The following C1GALT1 variants were observed in gnomAD, a reference collection of about 807,000 sequenced individuals.
C1GALT1 encodes the protein core 1 synthase, glycoprotein-N-acetylgalactosamine 3-beta-galactosyltransferase 1.
C1GALT1 carries 11 observed loss-of-function variants against 31.0 expected under a neutral mutation model. The observed-to-expected ratio is 0.36, with a 90% CI of 0.22 to 0.59. The LOEUF is 0.59. C1GALT1 is among the 20% of genes least tolerant of loss of function. The pLI, the probability that C1GALT1 is intolerant of heterozygous loss-of-function variation, is 0.79. For synonymous variants in C1GALT1, 175 were observed against 143.6 expected, an observed-to-expected ratio of 1.22 and a Z score of -1.56; for missense variants, 424 against 425.2, an observed-to-expected ratio of 1.00 and a Z score of 0.03.
intron 1 of C1GALT1, among the ~76,000 whole-genome samples, chr7:7,211,757 G>A (rs1782014362): frequency 6.6e-6 from 1 of 152,202 alleles, no homozygotes. Context: ...AGAATTTGCA[G>A]GATAATTTCC....
In C1GALT1 at chr7:7,167,588, A is replaced by T. The variant is rs532714885; in HGVS notation, c.-18+10162A>T. 5.5e-3 allele frequency among the ~76,000 whole-genome samples: 813 copies of T among 148,998 alleles called. 7 individuals are homozygous for T. Among genetic ancestry groups the T allele is most frequent in the African/African-American group, 0.019 (762 of 40,712 alleles). ...ATTATGTAAGTTTTTTTTGTTGTTC[A>T]TTTTTTTTTTCTCCAAGTGATAATC... On this transcript the variant is annotated intron_variant, in intron 2 of 3. Transcript: ENST00000429911.
chr7:7,164,311 C>G (rs1379324680), intron 2 of C1GALT1, among the ~76,000 whole-genome samples: 5 of 152,102 alleles, frequency 3.3e-5, no homozygotes. Context: ...TTCTTCATTT[C>G]TCATGTGGAA....
rs533276352 is a variant in C1GALT1 at position 7,243,185 on chromosome 7, G to T, written c.889-339G>T. On this transcript the variant is annotated intron_variant, in intron 3 of 3. Coordinates refer to ENST00000436587, the MANE Select transcript of C1GALT1 (RefSeq NM_020156.5). ...AGAAAATGAGGAAGAGAAAGCAGATGTTGGAGAAGGAGATTTCTCCTTGTA... is the reference window on the plus strand; with the variant it reads ...AGAAAATGAGGAAGAGAAAGCAGATTTTGGAGAAGGAGATTTCTCCTTGTA... Among the ~76,000 whole-genome samples, 4 of 152,264 alleles carry T rather than the reference G, an allele frequency of 2.6e-5. No individual in the cohort carries two copies. In the South Asian group the frequency reaches 8.3e-4, roughly 32 times the overall value.
At chr7:7,195,612 G>A (rs1007274870) in intron 1 of C1GALT1, among the ~76,000 whole-genome samples, 4 of 152,084 alleles carry the variant, frequency 2.6e-5, no homozygotes, top group African/African-American at 4.8e-5. Context: ...TTTGGAGAAG[G>A]ATCCATGTGC....
chr7:7,170,683 T>A (rs1046525735), intron 2 of C1GALT1, among the ~76,000 whole-genome samples: 1 of 152,130 alleles, frequency 6.6e-6, no homozygotes, highest in African/African-American at 2.4e-5. Context: ...CTCAGGAAGC[T>A]GAGGAAGAGA....
intron 1 of C1GALT1, among the ~76,000 whole-genome samples, chr7:7,193,393 A>T (rs1402719171): frequency 6.6e-6 from 1 of 152,088 alleles, no homozygotes; most frequent in African/African-American, 2.4e-5. Flanking sequence ...TTACCCCAGT[A>T]CCATCTGTTG....
Position 7,223,270 on chromosome 7 carries a change from T to C in C1GALT1, c.-17-11033T>C, listed in dbSNP as rs576870985. On this transcript the variant is annotated intron_variant, in intron 1 of 3. Transcript: ENST00000436587. Reference sequence around the variant, plus strand: ...GCCTCCCAGGTTCAAGCAATTCTCCTGCTTCAACCTCCCCAGTAGCTGGGA... The same window carrying C: ...GCCTCCCAGGTTCAAGCAATTCTCCCGCTTCAACCTCCCCAGTAGCTGGGA... Among the ~76,000 whole-genome samples, 5 of 152,306 alleles carry C rather than the reference T, an allele frequency of 3.3e-5. No individual in the cohort carries two copies. In the East Asian group the frequency reaches 9.7e-4, roughly 29 times the overall value.
chr7:7,190,084 G>A (rs992186291), intron 1 of C1GALT1, among the ~76,000 whole-genome samples: 1 of 152,156 alleles, frequency 6.6e-6, no homozygotes, highest in African/African-American at 2.4e-5. Context: ...GGCTGACAAA[G>A]GTTAATTAGC....
intron 2 of C1GALT1, chr7:7,235,355 T>C (rs143820343): frequency 1.2e-4 from 18 of 152,308 alleles, no homozygotes; most frequent in African/African-American, 3.8e-4. Flanking sequence ...TCACCACCTC[T>C]CAAGCAGAGG....
intron 1 of C1GALT1, among the ~76,000 whole-genome samples, chr7:7,206,240 G>A (rs1781733422): frequency 6.6e-6 from 1 of 151,906 alleles, no homozygotes; most frequent in Non-Finnish European, 1.5e-5. Flanking sequence ...GAGTTCCAAA[G>A]TTACAATAAT....
chr7:7,162,595 T>C (rs1241363565), intron 2 of C1GALT1, among the ~76,000 whole-genome samples: 2 of 151,864 alleles, frequency 1.3e-5, no homozygotes, highest in African/African-American at 2.4e-5. Flanking sequence ...TGTGTCTTTA[T>C]AGCAGCATGA....
chr7:7,185,367 G>A (rs1258757953), intron 1 of C1GALT1, among the ~76,000 whole-genome samples: 1 of 152,152 alleles, frequency 6.6e-6, no homozygotes, highest in African/African-American at 2.4e-5. Context: ...TGCATTCTTG[G>A]TCATTGTATT....
At chr7:7,243,025 A>C (rs529295002) in intron 3 of C1GALT1, among the ~76,000 whole-genome samples, 2 of 152,224 alleles carry the variant, frequency 1.3e-5, no homozygotes, top group South Asian at 2.1e-4. Flanking sequence ...TTTGTCTCAA[A>C]TACTGTACTG....
chr7:7,195,346 A>G (rs1056536626), intron 1 of C1GALT1, among the ~76,000 whole-genome samples: 2 of 152,126 alleles, frequency 1.3e-5, no homozygotes, highest in African/African-American at 2.4e-5. Context: ...CTTTTGCTTT[A>G]TCCCAGAGGT....
chr7:7,184,111 G>A (rs1479957419), intron 1 of C1GALT1, among the ~76,000 whole-genome samples: 1 of 152,142 alleles, frequency 6.6e-6, no homozygotes, highest in East Asian at 1.9e-4. Flanking sequence ...CCATGATGCT[G>A]TATGTTCTAA....
chr7:7,220,504 A>C (rs1361623310), intron 1 of C1GALT1, among the ~76,000 whole-genome samples: 2 of 151,576 alleles, frequency 1.3e-5, no homozygotes, highest in Non-Finnish European at 2.9e-5. Flanking sequence ...AAAATCTGTC[A>C]TGTCTTTAAA....
intron 2 of C1GALT1, among the ~76,000 whole-genome samples, chr7:7,162,628 C>G (rs900094129): frequency 6.6e-6 from 1 of 151,910 alleles, no homozygotes; most frequent in East Asian, 1.9e-4. Context: ...TGGGTATATA[C>G]CCAGTAATGG....
chr7:7,166,572 T>A (rs945210208), intron 2 of C1GALT1, among the ~76,000 whole-genome samples: 1 of 152,134 alleles, frequency 6.6e-6, no homozygotes, highest in African/African-American at 2.4e-5. Context: ...GCGGTGATAG[T>A]TTCATGGGTG....
At chr7:7,178,583 A>T (rs1780531368), upstream of C1GALT1, among the ~76,000 whole-genome samples, 1 of 152,200 alleles carries the variant, frequency 6.6e-6, no homozygotes, top group Non-Finnish European at 1.5e-5. Context: ...TACTTCCACA[A>T]CTGGCAAAGT....
Sources: gnomAD v4.1 joint callset for allele counts (sites outside exome capture counted in the v4.1 genomes callset) on GRCh38, gnomAD v4.1.1 for gene constraint, MANE v1.5 for transcripts, NCBI Gene and HGNC (gene_info 2026-07-23, HGNC 2026-07-21) for gene names.